FBXO9: variants seen among roughly 807,000 people sequenced by gnomAD.
FBXO9 encodes the protein F-box protein 9, also known as F-box only protein 9.
FBXO9 carries 43 observed loss-of-function variants against 63.7 expected under a neutral mutation model. That is an observed-to-expected ratio of 0.67 (90% confidence interval 0.53 to 0.87). FBXO9 has a LOEUF of 0.87. Among genes scored for constraint, FBXO9 ranks in the 40% least tolerant of loss-of-function variants. The pLI is 0.00. For missense variants in FBXO9, 442 were observed against 533.2 expected, an observed-to-expected ratio of 0.83 and a Z score of 1.68; for synonymous variants, 156 against 171.7, an observed-to-expected ratio of 0.91 and a Z score of 0.72.
chr6:53,098,948 G>C lies in FBXO9; in HGVS notation c.*1118G>C, dbSNP rs1473278062. On this transcript the variant is annotated 3_prime_UTR_variant, in exon 13 of 13. Transcript: ENST00000323557. ...GTCTGGTAGACCTCTACCTGATTCA[G>C]ATTTGGTTTTGTTGTTTCAACCATA... The C allele has an allele frequency of 1.3e-5, 2 of 152,164 alleles. No individual in the cohort carries two copies. Among genetic ancestry groups the C allele is most frequent in the Non-Finnish European group, 2.9e-5 (2 of 68,036 alleles). The allele number at this position is 152,164 out of a possible 1,614,324, so 9.4% of individuals were successfully genotyped here.
At chr6:53,097,574 C>G (rs1763245409) in intron 12 of FBXO9, 148 bp from the exon 13 acceptor site, 3 of 383,104 alleles carry the variant, frequency 7.8e-6, no homozygotes, top group Admixed American at 4.4e-5. Context: ...TTCGAGTTTT[C>G]TACAATATGC....
At chr6:53,077,472 C>CAAAAAAAAAAAAAA in intron 4 of FBXO9, among the ~76,000 whole-genome samples, 1 of 70,454 alleles carries the variant, frequency 1.4e-5, no homozygotes, top group Non-Finnish European at 2.5e-5. Flanking sequence ...GACTCCGTCT[C>CAAAAAAAAAAAAAA]AAAAAAAAAA....
intron 7 of FBXO9, among the ~76,000 whole-genome samples, chr6:53,087,716 A>G (rs1413579898): frequency 2.0e-5 from 3 of 152,244 alleles, no homozygotes; most frequent in Non-Finnish European, 4.4e-5. Context: ...AGTTTTGCAG[A>G]TGGCTGTTCA....
intron 5 of FBXO9, among the ~76,000 whole-genome samples, chr6:53,079,348 AG>A (rs1191141155): frequency 6.6e-6 from 1 of 152,178 alleles, no homozygotes; most frequent in Non-Finnish European, 1.5e-5. Flanking sequence ...ATTTTAAAAA[AG>A]GCTTCTAATT....
rs548095328 is a variant in FBXO9 at position 53,070,137 on chromosome 6, G to A, written c.4-920G>A. On this transcript the variant is annotated intron_variant, in intron 1 of 12. Transcript: ENST00000323557. ...AGGCTCAAGCAACCCTCCCACCTCA[G>A]CCTCCCAATTAGCTGGGACCACAGG... Among the ~76,000 whole-genome samples the A allele has an allele frequency of 6.9e-5, 10 of 145,010 alleles. No homozygotes were observed. In the South Asian group the frequency reaches 2.2e-3, roughly 32 times the overall value.
At chr6:53,097,655 A>G (rs1763247990) in intron 12 of FBXO9, 67 bp from the exon 13 acceptor site, 4 of 929,866 alleles carry the variant, frequency 4.3e-6, no homozygotes, top group Non-Finnish European at 4.9e-6. Flanking sequence ...ACCTTCCCCA[A>G]ACACACAAGG....
At chr6:53,075,826 C>A (rs931400108) in intron 3 of FBXO9, among the ~76,000 whole-genome samples, 2 of 133,346 alleles carry the variant, frequency 1.5e-5, no homozygotes, top group Non-Finnish European at 1.5e-5. Flanking sequence ...TCACAGCAAG[C>A]TCTGCCTCCC....
upstream of FBXO9, chr6:53,065,154 AG>A (rs1205464068): frequency 6.6e-6 from 1 of 152,270 alleles, no homozygotes; most frequent in African/African-American, 2.4e-5. Flanking sequence ...GATGCTTCTC[AG>A]GGCGGCTTGC....
intron 2 of FBXO9, among the ~76,000 whole-genome samples, chr6:53,072,931 C>T (rs1056025216): frequency 3.3e-5 from 5 of 152,094 alleles, no homozygotes; most frequent in South Asian, 2.1e-4. Flanking sequence ...CCATGTTGGC[C>T]GGGCTGTTCT....
At chr6:53,069,328 T>A (rs1768826530) in intron 1 of FBXO9, among the ~76,000 whole-genome samples, 1 of 152,214 alleles carries the variant, frequency 6.6e-6, no homozygotes, top group Admixed American at 6.5e-5. Context: ...AAAGAAGCAA[T>A]GTTGTATTTC....
chr6:53,092,548 G>A lies in FBXO9; in HGVS notation c.772+1G>A. On this transcript the variant is annotated splice_donor_variant, in intron 8 of 12. Coordinates refer to ENST00000323557, the MANE Select transcript of FBXO9 (RefSeq NM_033480.3). LOFTEE classifies it high-confidence loss of function. ...GAACGGCCTCGTGTTCGGTTTGATG[G>A]TAAGTTGGATTCTGTAGAACTCAGC... 1 of 1,609,344 alleles carries A rather than the reference G, an allele frequency of 6.2e-7. No individual in the cohort carries two copies. The highest frequency in any genetic ancestry group is 8.5e-7 in the Non-Finnish European group (1 of 1,175,740).
At chr6:53,084,591 A>G (rs1421666953) in intron 7 of FBXO9, among the ~76,000 whole-genome samples, 1 of 152,132 alleles carries the variant, frequency 6.6e-6, no homozygotes, top group Non-Finnish European at 1.5e-5. Context: ...TGGTCATGAT[A>G]TTGTTGTGTG....
chr6:53,095,751 T>G (rs1459626035), intron 12 of FBXO9, 87 bp downstream of exon 12: 1 of 1,318,824 alleles, frequency 7.6e-7, no homozygotes, highest in Admixed American at 2.4e-5. Context: ...GTTTCTAATT[T>G]CTCAGAGTTA....
chr6:53,077,173 C>G (rs532230478), intron 4 of FBXO9, among the ~76,000 whole-genome samples: 2 of 151,694 alleles, frequency 1.3e-5, no homozygotes, highest in East Asian at 1.9e-4. Flanking sequence ...TACATATTAC[C>G]AACAGAAATA....
intron 3 of FBXO9, among the ~76,000 whole-genome samples, chr6:53,076,033 C>G (rs149228374): frequency 6.6e-6 from 1 of 152,064 alleles, no homozygotes; most frequent in East Asian, 1.9e-4. Flanking sequence ...CGTGAGCCAC[C>G]GCGCCCAGCC....
chr6:53,082,606 A>G lies in FBXO9; in HGVS notation c.641A>G (p.Tyr214Cys). ...TTGTCGCTGGTGTGCAGAGGATTCT[A>G]CATCTGTGCCAGGTACTAAGTTTTT... ...EQLSLVCRGF[Y>C]ICARDPEIWR... Residue 214 changes from tyrosine (Y) to cysteine (C), a missense_variant, in exon 7 of 13, where the codon TAC becomes TGC. By Grantham distance (194) the Tyr-to-Cys change is radical. Around this residue, in one of 2 missense-constraint regions of FBXO9, gnomAD observed 262 missense variants for 362.1 expected, o/e 0.72. Coordinates refer to ENST00000323557, the MANE Select transcript of FBXO9 (RefSeq NM_033480.3). 1 of 1,611,908 alleles carries G rather than the reference A, an allele frequency of 6.2e-7. No homozygotes were observed. The highest frequency in any genetic ancestry group is 8.5e-7 in the Non-Finnish European group (1 of 1,178,520).
rs144591265 is a variant in FBXO9, at chr6:53,083,507, A to C, written c.653+889A>C. ...TATTCAGGGAAACAAAAGTTTTTAAAGGAAAAAATGAGGATTACATAATTG... is the reference window on the plus strand; with the variant it reads ...TATTCAGGGAAACAAAAGTTTTTAACGGAAAAAATGAGGATTACATAATTG... On this transcript the variant is annotated intron_variant, in intron 7 of 12. Transcript: ENST00000323557. Among the ~76,000 whole-genome samples the C allele has an allele frequency of 7.9e-5, 12 of 152,362 alleles. No homozygotes were observed. The East Asian group carries it at 2.3e-3, about 29-fold the overall frequency.
chr6:53,081,191 C>A, intron 6 of FBXO9, 93 bp downstream of exon 6: 2 of 1,218,714 alleles, frequency 1.6e-6, no homozygotes, highest in South Asian at 1.4e-5. Flanking sequence ...CAGATAACTG[C>A]TGCTTTAGTT....
At chr6:53,080,469 C>T (rs574416324) in intron 5 of FBXO9, among the ~76,000 whole-genome samples, 23 of 152,162 alleles carry the variant, frequency 1.5e-4, no homozygotes, top group African/African-American at 5.5e-4. Context: ...TTTGTGTATA[C>T]TGGTAGATGA....
Sources: allele counts gnomAD v4.1 joint callset (sites outside exome capture counted in the v4.1 genomes callset), GRCh38; gene constraint gnomAD v4.1.1; regional missense constraint gnomAD v4.1.1; transcripts MANE v1.5; gene names NCBI Gene and HGNC (gene_info 2026-07-23, HGNC 2026-07-21).